The following FGL1 variants were observed in gnomAD, a reference collection of about 807,000 sequenced individuals.
FGL1 encodes the protein fibrinogen-like protein 1.
A neutral mutation model predicts 43.7 loss-of-function variants in FGL1; 59 were observed. The observed-to-expected ratio is 1.35, with a 90% CI of 1.10 to 1.68. FGL1 has a LOEUF of 1.68. Among genes scored for constraint, FGL1 ranks in the 40% most tolerant of loss-of-function variants. The pLI is 0.00. For synonymous variants in FGL1, 192 were observed against 126.5 expected (o/e 1.52, Z -3.48); for missense variants, 596 against 373.0 (o/e 1.60, Z -4.92).
At chr8:17,864,851 T>C (rs1432689885) in intron 7 of FGL1, 100 bp from the exon 8 acceptor site, 1 of 1,069,900 alleles carries the variant, frequency 9.3e-7, no homozygotes, top group Non-Finnish European at 1.2e-6. Flanking sequence ...ATTTTTGAAC[T>C]ATGAATTCTG....
intron 2 of FGL1, among the ~76,000 whole-genome samples, chr8:17,883,138 T>C (rs1368433111): frequency 1.0e-5 from 1 of 97,394 alleles, no homozygotes; most frequent in South Asian, 3.4e-4. Context: ...TATTAAATAA[T>C]ATATAATATA....
intron 4 of FGL1, 62 bp from the exon 5 acceptor site, chr8:17,874,178 C>A (rs1218748305): frequency 2.9e-6 from 4 of 1,402,322 alleles, no homozygotes; most frequent in Non-Finnish European, 4.0e-6. Flanking sequence ...AAAGCGACCA[C>A]CACCCACCCC....
At chr8:17,891,516 G>A (rs754363294) in intron 1 of FGL1, 27 of 181,766 alleles carry the variant, frequency 1.5e-4, no homozygotes, top group Non-Finnish European at 2.5e-4. Flanking sequence ...AATCCAGTAT[G>A]ACCTCATCTT....
At chr8:17,864,929 T>C (rs1473196160) in intron 7 of FGL1, among the ~76,000 whole-genome samples, 178 bp from the exon 8 acceptor site, 4 of 152,130 alleles carry the variant, frequency 2.6e-5, no homozygotes, top group Non-Finnish European at 5.9e-5. Flanking sequence ...CAGATGGCTA[T>C]TGTATTTTAT....
chr8:17,885,216 A>ATT (rs528619225), intron 2 of FGL1, among the ~76,000 whole-genome samples: 1 of 151,216 alleles, frequency 6.6e-6, no homozygotes, highest in Non-Finnish European at 1.5e-5. Context: ...AATTTTTTGT[A>ATT]TTTTTTTTAG....
chr8:17,870,084 T>A (rs551180006), intron 5 of FGL1, among the ~76,000 whole-genome samples: 32 of 152,130 alleles, frequency 2.1e-4, no homozygotes, highest in African/African-American at 7.5e-4. Flanking sequence ...CACTCCAGCC[T>A]GGGCGACAGA....
chr8:17,890,950 G>T (rs945159736), intron 1 of FGL1, among the ~76,000 whole-genome samples: 1 of 152,114 alleles, frequency 6.6e-6, no homozygotes, highest in African/African-American at 2.4e-5. Context: ...AATTCAAGAT[G>T]AGATTTGGGT....
At chr8:17,889,382 G>A (rs778821234) in intron 1 of FGL1, among the ~76,000 whole-genome samples, 7 of 151,916 alleles carry the variant, frequency 4.6e-5, no homozygotes, top group Admixed American at 3.3e-4. Context: ...AAACTCCATC[G>A]CTACTAAAAA....
chr8:17,891,126 G>A (rs184506215), intron 1 of FGL1: 1 of 152,250 alleles, frequency 6.6e-6, no homozygotes, highest in African/African-American at 2.4e-5. Flanking sequence ...AGAGGTGAGT[G>A]GCTACATCTA....
chr8:17,889,619 A>G (rs557900180), intron 1 of FGL1, among the ~76,000 whole-genome samples: 11 of 152,332 alleles, frequency 7.2e-5, no homozygotes, highest in Admixed American at 3.9e-4. Flanking sequence ...CATTAGCCTC[A>G]CAGTGAAAAT....
intron 7 of FGL1, chr8:17,868,250 C>G (rs567285779): frequency 1.0e-5 from 2 of 199,090 alleles, no homozygotes; most frequent in Non-Finnish European, 2.0e-5. Context: ...TATACATGCT[C>G]TCTCTTTCTT....
intron 1 of FGL1, among the ~76,000 whole-genome samples, chr8:17,893,989 G>A (rs1006670653): frequency 2.7e-5 from 4 of 146,080 alleles, no homozygotes; most frequent in Admixed American, 2.0e-4. Context: ...GCTGTTCTTT[G>A]GTGGACTATA....
Position 17,878,196 on chromosome 8 carries a change from C to G in FGL1, c.245-3675G>C, listed in dbSNP as rs1318317271. On this transcript the variant is annotated intron_variant, in intron 3 of 7. Coordinates refer to ENST00000427924, the MANE Select transcript of FGL1 (RefSeq NM_004467.4). Reference sequence around the variant, plus strand: ...TGAAATCCTGGCCTCAAGTGTTCCTCCCACCTCGGCCTCTCAAAGTGCAGG... The same window carrying G: ...TGAAATCCTGGCCTCAAGTGTTCCTGCCACCTCGGCCTCTCAAAGTGCAGG... Among the ~76,000 whole-genome samples the G allele has an allele frequency of 3.3e-5, 5 of 152,138 alleles. No homozygotes were observed. The East Asian group carries it at 9.6e-4, about 29-fold the overall frequency.
At position 17,864,618 on chromosome 8, in the gene FGL1, T is replaced by G. The variant is rs748126234; in HGVS notation, c.913A>C (p.Asn305His). Residue 305 changes from asparagine to histidine, a missense_variant, in exon 8 of 8, where the codon AAT (asparagine) becomes CAT (histidine). Physicochemically the swap from Asn to His is moderately conservative, Grantham distance 68. Coordinates refer to ENST00000427924, the MANE Select transcript of FGL1 (RefSeq NM_004467.4). The stretch of plus-strand genomic sequence containing the variant: ...TAAATTACATTTGGAATAAAATCAT[T>G]TGGCCTAATTTTCATAACCACAGAT... Reference protein sequence around the residue: ...LKSVVMKIRPNDFIPNVI With the variant: ...LKSVVMKIRPHDFIPNVI 6.2e-7 allele frequency: 1 copy of G among 1,609,684 alleles called. No homozygotes were observed. The highest frequency in any genetic ancestry group is 1.3e-5 in the African/African-American group (1 of 74,644).
chr8:17,881,851 TAA>T (rs916437389), intron 3 of FGL1, 146 bp downstream of exon 3: 2 of 576,156 alleles, frequency 3.5e-6, no homozygotes, highest in Non-Finnish European at 5.3e-6. Flanking sequence ...AAAAAAAAAG[TAA>T]AGTGTGAAAG....
rs1356567294 is a variant in FGL1, at chr8:17,874,348, C to A, written c.404+14G>T. On this transcript the variant is annotated intron_variant, in intron 4 of 7. Transcript: ENST00000427924. ...TGCTGCTACATATAAAGTCTTACAT[C>A]ATAATTAGCACACCTGTTAAAGTTT... The A allele has an allele frequency of 6.2e-7, 1 of 1,608,444 alleles. No individual in the cohort carries two copies. Among genetic ancestry groups the A allele is most frequent in the East Asian group, 2.2e-5 (1 of 44,784 alleles).
intron 1 of FGL1, chr8:17,891,236 CAG>C (rs1160687531): frequency 6.6e-6 from 1 of 152,098 alleles, no homozygotes; most frequent in African/African-American, 2.4e-5. Context: ...CCTAAAACAA[CAG>C]GAGTTTATTA....
Position 17,882,009 on chromosome 8 carries a change from C to T in FGL1, c.234G>A (p.Arg78=). 6.2e-7 allele frequency: 1 copy of T among 1,613,734 alleles called. No individual in the cohort carries two copies. Among genetic ancestry groups the T allele is most frequent in the Non-Finnish European group, 8.5e-7 (1 of 1,179,832 alleles). ...ENTVIDLGSK[R]QYADCSEIFN... ...AAAGTCCATTCTGACCTGCATACTG[C>T]CTCTTGCTTCCAAGATCAATGACAG... The change falls in exon 3 of 8, where the codon AGG becomes AGA. Residue 78 remains arginine, a synonymous_variant. Transcript: ENST00000427924.
At chr8:17,880,321 GC>G (rs1270049429) in intron 3 of FGL1, among the ~76,000 whole-genome samples, 1 of 152,216 alleles carries the variant, frequency 6.6e-6, no homozygotes, top group Non-Finnish European at 1.5e-5. Flanking sequence ...AGAGTCTCAT[GC>G]GCTACAGTGT....
Sources: allele counts gnomAD v4.1 joint callset (sites outside exome capture counted in the v4.1 genomes callset), GRCh38; gene constraint gnomAD v4.1.1; transcripts MANE v1.5; gene names NCBI Gene and HGNC (gene_info 2026-07-23, HGNC 2026-07-21).